Variants in RNF39 observed in about 807,000 individuals in gnomAD.
The protein encoded by RNF39 is LTP (long-term potentiation) induced RING finger protein.
A neutral mutation model predicts 29.2 loss-of-function variants in RNF39; 25 were observed. That is an observed-to-expected ratio of 0.86 (90% confidence interval 0.62 to 1.20). RNF39 has a LOEUF of 1.20. RNF39 is among the 50% of genes most tolerant of loss of function. The probability of loss-of-function intolerance (pLI) is 0.00; values close to 1 mark genes in which losing one functional copy is unlikely to be tolerated. For missense variants in RNF39, 519 were observed against 515.0 expected, an observed-to-expected ratio of 1.01 and a Z score of -0.08; for synonymous variants, 219 against 229.0, an observed-to-expected ratio of 0.96 and a Z score of 0.40.
rs530954050 is a variant in RNF39 at position 30,074,134 on chromosome 6, G to A, written c.364-656C>T. 7.9e-5 allele frequency among the ~76,000 whole-genome samples: 12 copies of A among 152,292 alleles called. No homozygotes were observed. Among genetic ancestry groups the A allele is most frequent in the African/African-American group, 2.6e-4 (11 of 41,548 alleles). ...CAGAGTACTATGGGAGCCAGGAGAG[G>A]GCACTGGATGCTCCCCTCCAAACAC... On this transcript the variant is annotated intron_variant, in intron 1 of 3. Transcript: ENST00000244360. The surrounding 1 kb of genome is among the most constrained non-coding windows in gnomAD (Gnocchi z 4.1).
In RNF39 at chr6:30,071,682, G is replaced by C; in HGVS notation, c.488C>G (p.Thr163Ser). The change falls in exon 4 of 4, where the codon ACC becomes AGC. Residue 163 changes from threonine (T) to serine (S), a missense_variant. Physicochemically the swap from Thr to Ser is moderately conservative, Grantham distance 58 (BLOSUM62 1). Coordinates refer to ENST00000244360, the MANE Select transcript of RNF39 (RefSeq NM_025236.4). This position sits in a 1 kb window ranked among gnomAD's most constrained non-coding sequence, Gnocchi z 5.0. ...KMLHRLTADL[T>S]LDPGTAHRRL... ...GCGGTGTGCGGTCCCAGGGTCCAGG[G>C]TCAGGTCGGCTGGAGACGGGGAGGC... The C allele has an allele frequency of 7.1e-7, 1 of 1,411,204 alleles. No homozygotes were observed. Among genetic ancestry groups the C allele is most frequent in the African/African-American group, 1.5e-5 (1 of 66,522 alleles). 87.4% of individuals were successfully genotyped at this position (1,411,204 alleles called of 1,614,324 possible). A position where few individuals can be genotyped will look rare whatever the true frequency, so the allele number is the denominator to read the frequency against.
chr6:30,073,401 C>T (rs974471186), intron 2 of RNF39, 55 bp downstream of exon 2: 247 of 1,611,530 alleles, frequency 1.5e-4, no homozygotes, highest in South Asian at 9.9e-5. Flanking sequence ...CCAGTGAGAA[C>T]GTGATGGCTA....
At position 30,071,365 on chromosome 6, in the gene RNF39, C is replaced by T. The variant is rs758940176; in HGVS notation, c.805G>A (p.Val269Met). The change falls in exon 4 of 4, where the codon GTG (valine) becomes ATG (methionine). Residue 269 changes from valine to methionine, a missense_variant. Coordinates refer to ENST00000244360, the MANE Select transcript of RNF39 (RefSeq NM_025236.4). This position sits in a 1 kb window ranked among gnomAD's most constrained non-coding sequence, Gnocchi z 5.0. The part of the protein sequence containing the change: ...RLCPAGAVWA[V>M]EGRGGRLWAL... ...CACAGGCGGCCGCCGCGGCCCTCCA[C>T]GGCCCACACGGCCCCCGCAGGGCAC... The T allele has an allele frequency of 1.4e-6, 2 of 1,464,862 alleles. No homozygotes were observed. Among genetic ancestry groups the T allele is most frequent in the African/African-American group, 2.9e-5 (2 of 68,144 alleles). The allele number at this position is 1,464,862 out of a possible 1,614,324, so 90.7% of individuals were successfully genotyped here.
At chr6:30,075,089 C>T (rs1766298656) in intron 1 of RNF39, 134 bp downstream of exon 1, 1 of 941,060 alleles carries the variant, frequency 1.1e-6, no homozygotes, top group Admixed American at 3.0e-5. Context: ...GCCCCCTCAT[C>T]CTTTGCTTTT....
chr6:30,075,273 G>A lies in RNF39; in HGVS notation c.313C>T (p.Arg105Cys). The A allele has an allele frequency of 1.3e-6, 2 of 1,599,216 alleles. No homozygotes were observed. The highest frequency in any genetic ancestry group is 1.7e-6 in the Non-Finnish European group (2 of 1,176,334). Residue 105 changes from arginine to cysteine, a missense_variant, in exon 1 of 4, where the codon CGC becomes TGC. Transcript: ENST00000244360. ...LAEPGARAGR[R>C]RGGRIPTMGC... ...ATGGTGGGGATGCGCCCCCCTCGGC[G>A]TCTCCCCGCACGGGCCCCAGGCTCA...
At chr6:30,073,551 C>T in intron 1 of RNF39, 73 bp from the exon 2 acceptor site, 1 of 1,551,644 alleles carries the variant, frequency 6.4e-7, no homozygotes, top group Non-Finnish European at 8.8e-7. Context: ...CCTATCTCTC[C>T]CCTCCTCAGG....
chr6:30,075,210 C>G lies in RNF39; in HGVS notation c.363+13G>C. 6.4e-7 allele frequency: 1 copy of G among 1,569,426 alleles called. No homozygotes were observed. The highest frequency in any genetic ancestry group is 8.6e-7 in the Non-Finnish European group (1 of 1,166,286). Reference sequence around the variant, plus strand: ...CTTCCACCAACAACTCCGCGACGCGCGCCCAGCCTCACCTCTCCGGGCAGG... The same window carrying G: ...CTTCCACCAACAACTCCGCGACGCGGGCCCAGCCTCACCTCTCCGGGCAGG... On this transcript the variant is annotated intron_variant, in intron 1 of 3. Transcript: ENST00000244360.
rs1224206732 is a variant in RNF39, at chr6:30,075,520, C to T, written c.66G>A (p.Leu22=). 1.3e-6 allele frequency: 2 copies of T among 1,579,182 alleles called. No homozygotes were observed. The highest frequency in any genetic ancestry group is 2.3e-5 in the East Asian group (1 of 42,860). Residue 22 remains leucine (L), a synonymous_variant, in exon 1 of 4, where the codon CTG becomes CTA. Transcript: ENST00000244360. ...ERLEQLATCP[L]CGGSFEDPVL... ...CCGGGTCCTCGAAGGAGCCCCCGCACAGAGGACACGTCGCCAGCTGCTCCA... is the reference window on the plus strand; with the variant it reads ...CCGGGTCCTCGAAGGAGCCCCCGCATAGAGGACACGTCGCCAGCTGCTCCA...
rs930504632 is a variant in RNF39, at chr6:30,074,518, C to G, written c.363+705G>C. Among the ~76,000 whole-genome samples the G allele has an allele frequency of 1.3e-5, 2 of 152,040 alleles. No homozygotes were observed. Among genetic ancestry groups the G allele is most frequent in the Admixed American group, 1.3e-4 (2 of 15,272 alleles). On this transcript the variant is annotated intron_variant, in intron 1 of 3. Transcript: ENST00000244360. This position sits in a 1 kb window ranked among gnomAD's most constrained non-coding sequence, Gnocchi z 4.1. ...CCCGCACCTCGCCTCCACCCCTGGC[C>G]GCTCCTGCCTGGGGCCTTGGGAGGA...
Position 30,071,443 on chromosome 6 carries a change from A to G in RNF39, c.727T>C (p.Tyr243His). The G allele has an allele frequency of 7.8e-6, 12 of 1,546,896 alleles. No individual in the cohort carries two copies. The highest frequency in any genetic ancestry group is 1.0e-5 in the Non-Finnish European group (12 of 1,155,096). ...GEDADDEESH[Y>H]AVGAAGESVQ... ...GATTCCCCGGCCGCGCCCACTGCAT[A>G]GTGGCTCTCCTCGTCGTCCGCATCC... The change falls in exon 4 of 4, where the codon TAT becomes CAT. Residue 243 changes from tyrosine to histidine, a missense_variant. Transcript: ENST00000244360. This position sits in a 1 kb window ranked among gnomAD's most constrained non-coding sequence, Gnocchi z 5.0.
chr6:30,073,920 C>G (rs1317334518), intron 1 of RNF39, among the ~76,000 whole-genome samples: 1 of 152,206 alleles, frequency 6.6e-6, no homozygotes, highest in African/African-American at 2.4e-5. Context: ...CTCCCTCCAT[C>G]ACACAGACCA....
At position 30,071,700 on chromosome 6, in the gene RNF39, G is replaced by A. The variant is rs1766001807; in HGVS notation, c.479-9C>T. On this transcript the variant is annotated splice_polypyrimidine_tract_variant and intron_variant, in intron 3 of 3. Transcript: ENST00000244360. This position sits in a 1 kb window ranked among gnomAD's most constrained non-coding sequence, Gnocchi z 5.0. ...GTCCAGGGTCAGGTCGGCTGGAGAC[G>A]GGGAGGCAGGGAGAGGACCTCATGA... 3 of 1,400,556 alleles carry A rather than the reference G, an allele frequency of 2.1e-6. No homozygotes were observed. The highest frequency in any genetic ancestry group is 2.9e-5 in the East Asian group (1 of 34,412). 86.8% of individuals were successfully genotyped at this position (1,400,556 alleles called of 1,614,324 possible).
In RNF39 at chr6:30,071,503, C is replaced by A; in HGVS notation, c.667G>T (p.Ala223Ser). Residue 223 changes from alanine to serine, a missense_variant, in exon 4 of 4, where the codon GCG becomes TCG. Ala to Ser is a moderately conservative substitution (Grantham distance 99, BLOSUM62 1). Transcript: ENST00000244360. The surrounding 1 kb of genome is among the most constrained non-coding windows in gnomAD (Gnocchi z 5.0). Reference protein sequence around the residue: ...AGRHCWEVETADAASCRDSSG... With the variant: ...AGRHCWEVETSDAASCRDSSG... ...GAGTCTCTGCAGGAGGCGGCGTCCGCAGTCTCCACCTCCCAGCAGTGGCGG... is the reference window on the plus strand; with the variant it reads ...GAGTCTCTGCAGGAGGCGGCGTCCGAAGTCTCCACCTCCCAGCAGTGGCGG... 1 of 1,549,456 alleles carries A rather than the reference C, an allele frequency of 6.5e-7. No homozygotes were observed. Among genetic ancestry groups the A allele is most frequent in the Non-Finnish European group, 8.7e-7 (1 of 1,151,804 alleles).
At position 30,070,465 on chromosome 6, in the gene RNF39, CGTGA is replaced by C. The variant is rs3214175; in HGVS notation, c.*642_*645del. On this transcript the variant is annotated 3_prime_UTR_variant, in exon 4 of 4. Coordinates refer to ENST00000244360, the MANE Select transcript of RNF39 (RefSeq NM_025236.4). ...GGAAATAGCACCATTGGTTCCTTTC[CGTGA>C]GTATGTGCGGGGAGAAGTTTCAAGA... is the stretch of plus-strand genomic sequence containing the variant. The C allele has an allele frequency of 0.16, 34,631 of 222,408 alleles. 3,473 individuals carry two copies. Among genetic ancestry groups the C allele is most frequent in the African/African-American group, 0.27 (11,919 of 43,946 alleles). 13.8% of individuals were successfully genotyped at this position (222,408 alleles called of 1,614,324 possible).
At position 30,073,594 on chromosome 6, in the gene RNF39, C is replaced by A. The variant is rs926190308; in HGVS notation, c.364-116G>T. On this transcript the variant is annotated intron_variant, in intron 1 of 3. Coordinates refer to ENST00000244360, the MANE Select transcript of RNF39 (RefSeq NM_025236.4). ...TGTCTGAGTTAGCAGTGTCCCTCCT[C>A]ACCTTTCAGAGTGATCTCACCTCTT... The A allele has an allele frequency of 2.6e-5, 29 of 1,095,844 alleles. No individual in the cohort carries two copies. In the African/African-American group the frequency reaches 3.9e-4, roughly 15 times the overall value. The allele number at this position is 1,095,844 out of a possible 1,614,324, so 67.9% of individuals were successfully genotyped here. A position where few individuals can be genotyped will look rare whatever the true frequency, so the allele number is the denominator to read the frequency against.
chr6:30,070,763 G>T lies in RNF39; in HGVS notation c.*348C>A, dbSNP rs1327047291. 7.4e-6 allele frequency: 4 copies of T among 537,950 alleles called. No individual in the cohort carries two copies. The highest frequency in any genetic ancestry group is 2.2e-5 in the Admixed American group (1 of 44,746). 33.3% of individuals were successfully genotyped at this position (537,950 alleles called of 1,614,324 possible). On this transcript the variant is annotated 3_prime_UTR_variant, in exon 4 of 4. Coordinates refer to ENST00000244360, the MANE Select transcript of RNF39 (RefSeq NM_025236.4). ...GGGAGTCAAGTATTTGACCAGCAGA[G>T]CCTCTATGTAGGAATCATGGTCACT...
Position 30,071,453 on chromosome 6 carries a change from C to G in RNF39, c.717G>C (p.Glu239Asp). Reference protein sequence around the residue: ...RDSSGEDADDEESHYAVGAAG... With the variant: ...RDSSGEDADDDESHYAVGAAG... ...CCGCGCCCACTGCATAGTGGCTCTC[C>G]TCGTCGTCCGCATCCTCCCCAGAAG... Residue 239 changes from glutamate (E) to aspartate (D), a missense_variant, in exon 4 of 4, where the codon GAG becomes GAC. By Grantham distance (45) the Glu-to-Asp change is conservative. Transcript: ENST00000244360. The surrounding 1 kb of genome is among the most constrained non-coding windows in gnomAD (Gnocchi z 5.0). 6.4e-7 allele frequency: 1 copy of G among 1,558,038 alleles called. No homozygotes were observed. The highest frequency in any genetic ancestry group is 8.6e-7 in the Non-Finnish European group (1 of 1,159,894).
Position 30,075,644 on chromosome 6 carries a change from G to A in RNF39, c.-59C>T, listed in dbSNP as rs767070867. 1.2e-6 allele frequency: 2 copies of A among 1,612,878 alleles called. No individual in the cohort carries two copies. Among genetic ancestry groups the A allele is most frequent in the South Asian group, 2.2e-5 (2 of 91,082 alleles). Reference sequence around the variant, plus strand: ...GACCACCGTGACCGCCTTCGAGCGCGCAGATGGCGGGCCGCCCCTGCTGCT... The same window carrying A: ...GACCACCGTGACCGCCTTCGAGCGCACAGATGGCGGGCCGCCCCTGCTGCT... On this transcript the variant is annotated 5_prime_UTR_variant, in exon 1 of 4. Transcript: ENST00000244360.
rs1766259864 is a variant in RNF39, at chr6:30,074,617, G to A, written c.363+606C>T. Among the ~76,000 whole-genome samples, 1 of 152,070 alleles carries A rather than the reference G, an allele frequency of 6.6e-6. No individual in the cohort carries two copies. The highest frequency in any genetic ancestry group is 1.5e-5 in the Non-Finnish European group (1 of 67,974). ...CCGAGACCAACCCCCACGACGCTAC[G>A]GGGAGGTTTGGATATGCCCCAACCC... On this transcript the variant is annotated intron_variant, in intron 1 of 3. Coordinates refer to ENST00000244360, the MANE Select transcript of RNF39 (RefSeq NM_025236.4). The surrounding 1 kb of genome is among the most constrained non-coding windows in gnomAD (Gnocchi z 4.1).
Sources: allele counts gnomAD v4.1 joint callset (sites outside exome capture counted in the v4.1 genomes callset), GRCh38; gene constraint gnomAD v4.1.1; non-coding constraint Gnocchi (gnomAD v3.1); transcripts MANE v1.5; gene names NCBI Gene and HGNC (gene_info 2026-07-23, HGNC 2026-07-21).